Variants in CASK observed in about 807,000 individuals in gnomAD.
CASK encodes the protein peripheral plasma membrane protein CASK.
In CASK, 4 loss-of-function variants were observed where a neutral mutation model predicts 82.9. That is an observed-to-expected ratio of 0.05 (90% CI 0.02 to 0.11). CASK has a LOEUF of 0.11. Ranked by LOEUF, CASK falls within the 10% of genes least tolerant of loss-of-function variation. The pLI is 1.00. For synonymous variants in CASK, 259 were observed against 253.5 expected (o/e 1.02, Z -0.20); for missense variants, 358 against 720.9 (o/e 0.50, Z 5.76).
In CASK at chrX:41,836,512, A is replaced by C. The variant is rs575919342; in HGVS notation, c.172+16603T>G. Among the ~76,000 whole-genome samples the C allele has an allele frequency of 3.6e-4, 37 of 101,748 alleles. No individual in the cohort carries two copies. In the East Asian group the frequency reaches 8.4e-3, roughly 23 times the overall value. The allele number at this position is 101,748 out of a possible 115,157, so 88.4% of individuals were successfully genotyped here. On this transcript the variant is annotated intron_variant, in intron 2 of 26. Coordinates refer to ENST00000378163, the MANE Select transcript of CASK (RefSeq NM_001367721.1). ...TACCAATGCTCAAAATGATTATCTG[A>C]CAACTCAAAAAATATTGCACATTTA...
chrX:41,665,324 C>T lies in CASK; in HGVS notation c.661G>A (p.Gly221Arg), dbSNP rs1256169792. Reference protein sequence around the residue: ...ILLSGCLPFYGTKERLFEGII... With the variant: ...ILLSGCLPFYRTKERLFEGII... ...CCTTCAAACAATCTTTCCTTGGTTCCGTAAAAAGGCAAACAACCACTGAGC... is the reference window on the plus strand; with the variant it reads ...CCTTCAAACAATCTTTCCTTGGTTCTGTAAAAAGGCAAACAACCACTGAGC... Residue 221 changes from glycine to arginine, a missense_variant, in exon 7 of 27, where the codon GGA becomes AGA. This residue lies in a region of CASK where 70 missense variants were observed against 228.4 expected (regional missense o/e 0.31). Transcript: ENST00000378163. 5 of 1,209,285 alleles carry T rather than the reference C, an allele frequency of 4.1e-6. No individual in the cohort carries two copies. Among genetic ancestry groups the T allele is most frequent in the Admixed American group, 2.2e-5 (1 of 45,978 alleles).
intron 12 of CASK, among the ~76,000 whole-genome samples, chrX:41,607,588 G>A (rs1017601137): frequency 8.9e-6 from 1 of 112,228 alleles, no homozygotes; most frequent in African/African-American, 3.2e-5. Context: ...TACTACTTAA[G>A]ATAAATTACA....
chrX:41,747,729 C>T (rs1165413997), intron 3 of CASK, among the ~76,000 whole-genome samples: 2 of 112,801 alleles, frequency 1.8e-5, no homozygotes, highest in Non-Finnish European at 3.7e-5. Flanking sequence ...GCATGAGCCA[C>T]TGCGCCCGGC....
intron 5 of CASK, among the ~76,000 whole-genome samples, chrX:41,713,281 A>G (rs1244348899): frequency 8.9e-6 from 1 of 112,085 alleles, no homozygotes; most frequent in Non-Finnish European, 1.9e-5. Context: ...TCAAGAGTGG[A>G]AGAGCATGTT....
chrX:41,773,675 C>T lies in CASK; in HGVS notation c.278+13503G>A, dbSNP rs763667564. ...ACACAAACCTAGATGGGATATCCTA[C>T]TACACACCTAGGCTACAAACCTACA... On this transcript the variant is annotated intron_variant, in intron 3 of 26. Coordinates refer to ENST00000378163, the MANE Select transcript of CASK (RefSeq NM_001367721.1). 1.6e-3 allele frequency among the ~76,000 whole-genome samples: 176 copies of T among 112,154 alleles called. 1 individual carries two copies. Among genetic ancestry groups the T allele is most frequent in the Non-Finnish European group, 2.8e-3 (151 of 53,234 alleles).
At chrX:41,641,791 A>T (rs2066659715) in intron 8 of CASK, among the ~76,000 whole-genome samples, 1 of 110,859 alleles carries the variant, frequency 9.0e-6, no homozygotes, top group African/African-American at 3.3e-5. Context: ...CATGTGCACA[A>T]CGTGCAGGTT....
At chrX:41,523,015 C>A (rs1489341664) in intron 26 of CASK, 1 of 112,248 alleles carries the variant, frequency 8.9e-6, no homozygotes, top group Non-Finnish European at 1.9e-5. Flanking sequence ...TTTTCTGCAC[C>A]ATTTTGGCAG....
intron 3 of CASK, among the ~76,000 whole-genome samples, chrX:41,759,359 G>A (rs898521832): frequency 9.0e-6 from 1 of 111,678 alleles, no homozygotes; most frequent in Non-Finnish European, 1.9e-5. Flanking sequence ...GACTCGTACT[G>A]CAGAGGAATG....
intron 12 of CASK, among the ~76,000 whole-genome samples, chrX:41,604,121 T>A (rs1019672004): frequency 1.8e-5 from 2 of 108,929 alleles, no homozygotes; most frequent in South Asian, 4.0e-4. Context: ...AATTAATGGA[T>A]GACAGGGTAA....
intron 2 of CASK, among the ~76,000 whole-genome samples, chrX:41,803,084 G>GA (rs2070035416): frequency 9.0e-6 from 1 of 111,287 alleles, no homozygotes; most frequent in Non-Finnish European, 1.9e-5. Flanking sequence ...TAGCACAGAT[G>GA]AAAGGCAAAA....
intron 5 of CASK, among the ~76,000 whole-genome samples, chrX:41,715,269 G>T (rs1377977302): frequency 8.9e-6 from 1 of 111,971 alleles, no homozygotes; most frequent in Non-Finnish European, 1.9e-5. Flanking sequence ...ATGGAGAATG[G>T]CCCTATGGAA....
chrX:41,597,551 CACTG>C (rs2065838246), intron 12 of CASK, among the ~76,000 whole-genome samples: 2 of 112,543 alleles, frequency 1.8e-5, no homozygotes, highest in South Asian at 3.6e-4. Flanking sequence ...GTTCTGGAAA[CACTG>C]ACTATCTTAT....
intron 9 of CASK, among the ~76,000 whole-genome samples, chrX:41,627,831 C>T (rs1226011882): frequency 1.8e-5 from 2 of 111,569 alleles, no homozygotes; most frequent in Non-Finnish European, 3.8e-5. Context: ...GGAGAAACCC[C>T]GTCTCTACTA....
chrX:41,683,405 C>A (rs1283320531), intron 5 of CASK: 2 of 112,489 alleles, frequency 1.8e-5, no homozygotes, highest in Non-Finnish European at 3.8e-5. Context: ...TGGGTTCAAG[C>A]AAACCTCCTG....
At chrX:41,623,238 T>C (rs745566023) in intron 10 of CASK, among the ~76,000 whole-genome samples, 305 of 111,922 alleles carry the variant, frequency 2.7e-3, no homozygotes, top group Non-Finnish European at 3.8e-3. Flanking sequence ...AAATGAATTC[T>C]AGTAAATGCA....
At chrX:41,868,646 G>A (rs1012813350) in intron 1 of CASK, among the ~76,000 whole-genome samples, 1 of 111,617 alleles carries the variant, frequency 9.0e-6, no homozygotes, top group African/African-American at 3.3e-5. Context: ...GCTGCATCCT[G>A]GATGTGCCCA....
At chrX:41,892,424 T>C (rs1195385) in intron 1 of CASK, among the ~76,000 whole-genome samples, 21,141 of 109,468 alleles carry the variant, frequency 0.19, 1,660 homozygotes, top group Middle Eastern at 0.28. Context: ...CCTCTGCCTC[T>C]GGGGTTCAAG....
intron 2 of CASK, among the ~76,000 whole-genome samples, chrX:41,829,734 T>TATATAC (rs1556208239): frequency 0.053 from 1,575 of 29,643 alleles, 141 homozygotes; most frequent in Non-Finnish European, 0.084. Flanking sequence ...TATATATATA[T>TATATAC]ATATATATAT....
At chrX:41,573,823 A>T (rs1001091050) in intron 15 of CASK, among the ~76,000 whole-genome samples, 1 of 111,999 alleles carries the variant, frequency 8.9e-6, no homozygotes, top group Non-Finnish European at 1.9e-5. Flanking sequence ...TTACTCGGAC[A>T]TAGTTTGATC....
Sources: allele counts gnomAD v4.1 joint callset (sites outside exome capture counted in the v4.1 genomes callset), GRCh38; gene constraint gnomAD v4.1.1; regional missense constraint gnomAD v4.1.1; transcripts MANE v1.5; gene names NCBI Gene and HGNC (gene_info 2026-07-23, HGNC 2026-07-21).